Variants in RBL1 observed in about 807,000 individuals in gnomAD.
The protein encoded by RBL1 is RB transcriptional corepressor like 1.
In RBL1, 82 loss-of-function variants were observed where a neutral mutation model predicts 123.0. The observed-to-expected ratio is 0.67, with a 90% CI of 0.56 to 0.80. RBL1 has a LOEUF of 0.80. RBL1 is among the 30% of genes least tolerant of loss of function. RBL1 has a pLI of 0.00. For missense variants in RBL1, 1,171 were observed against 1,299.6 expected (o/e 0.90, Z 1.52); for synonymous variants, 405 against 441.3 (o/e 0.92, Z 1.03).
chr20:36,999,094 A>C (rs1013529993), intron 21 of RBL1, among the ~76,000 whole-genome samples, 165 bp from the exon 22 acceptor site: 2 of 152,202 alleles, frequency 1.3e-5, no homozygotes, highest in African/African-American at 4.8e-5. Flanking sequence ...GGATGGCTTG[A>C]ACTAATCTTT....
chr20:37,006,073 T>G (rs868305005), intron 20 of RBL1, among the ~76,000 whole-genome samples: 1 of 149,268 alleles, frequency 6.7e-6, no homozygotes, highest in South Asian at 2.1e-4. Context: ...AGTTTTTAGT[T>G]TTTTTTTTTA....
At chr20:37,049,222 C>CAA in intron 11 of RBL1, 1 of 398,674 alleles carries the variant, frequency 2.5e-6, no homozygotes, top group Non-Finnish European at 4.6e-6. Context: ...AAACAAAAAA[C>CAA]AAAAAAAAAT....
In RBL1 at chr20:37,095,976, C is replaced by G. The variant is rs747196287; in HGVS notation, c.-48G>C. The G allele has an allele frequency of 7.1e-7, 1 of 1,413,656 alleles. No individual in the cohort carries two copies. The highest frequency in any genetic ancestry group is 9.4e-7 in the Non-Finnish European group (1 of 1,066,900). The allele number at this position is 1,413,656 out of a possible 1,614,324, so 87.6% of individuals were successfully genotyped here. On this transcript the variant is annotated 5_prime_UTR_variant, in exon 1 of 22. Transcript: ENST00000373664. ...GCGCCACGGCCCCCGACTTCTTTCT[C>G]CCTCCCAGGCGCGCTACCCACAACC...
rs751175847 is a variant in RBL1 at position 37,095,767 on chromosome 20, G to T, written c.156+6C>A. The T allele has an allele frequency of 2.5e-6, 4 of 1,583,476 alleles. No individual in the cohort carries two copies. The East Asian group carries it at 9.1e-5, about 36-fold the overall frequency. ...GGGTCCGGCCGCCCCACCTGCTGCC[G>T]CTCACCTCTAGGCTGTAGTTGCCTC... is the stretch of plus-strand genomic sequence containing the variant. On this transcript the variant is annotated splice_donor_region_variant and intron_variant, in intron 1 of 21. Transcript: ENST00000373664.
intron 4 of RBL1, 39 bp from the exon 5 acceptor site, chr20:37,067,160 C>T: frequency 6.4e-7 from 1 of 1,563,328 alleles, no homozygotes; most frequent in Non-Finnish European, 8.6e-7. Context: ...ACACAAAAAC[C>T]AGAAACCTCT....
At position 37,089,131 on chromosome 20, in the gene RBL1, C is replaced by T. The variant is rs758109733; in HGVS notation, c.157-9G>A. 1.3e-6 allele frequency: 2 copies of T among 1,588,420 alleles called. No individual in the cohort carries two copies. Among genetic ancestry groups the T allele is most frequent in the South Asian group, 1.2e-5 (1 of 86,710 alleles). Reference sequence around the variant, plus strand: ...CAGTGTGTAACTTCTCCCTGGCAAGCAAAAGACAAACAGCAAAACAGGTAT... The same window carrying T: ...CAGTGTGTAACTTCTCCCTGGCAAGTAAAAGACAAACAGCAAAACAGGTAT... On this transcript the variant is annotated splice_polypyrimidine_tract_variant and intron_variant, in intron 1 of 21. Transcript: ENST00000373664.
At chr20:37,005,261 G>T (rs950553489) in intron 20 of RBL1, among the ~76,000 whole-genome samples, 1 of 151,982 alleles carries the variant, frequency 6.6e-6, no homozygotes, top group Non-Finnish European at 1.5e-5. Flanking sequence ...ACGAAAATCA[G>T]CTGGGCGTGG....
chr20:37,056,388 T>G (rs1270786666), intron 9 of RBL1, 130 bp from the exon 10 acceptor site: 2 of 1,268,776 alleles, frequency 1.6e-6, no homozygotes, highest in East Asian at 6.6e-5. Flanking sequence ...GGAGTCTCGC[T>G]CTGTAACCCA....
rs1489051527 is a variant in RBL1 at position 37,067,215 on chromosome 20, C to G, written c.556+18G>C. The G allele has an allele frequency of 1.9e-6, 3 of 1,592,368 alleles. No individual in the cohort carries two copies. In the South Asian group the frequency reaches 3.5e-5, roughly 19 times the overall value. ...TTCCCAGAGTAGAAATGTAAGACCA[C>G]TGAAAGTGTCATCTTACCCTTAGTA... On this transcript the variant is annotated intron_variant, in intron 4 of 21. Transcript: ENST00000373664.
At chr20:37,020,088 C>CTT (rs34470853) in intron 18 of RBL1, among the ~76,000 whole-genome samples, 42 of 135,830 alleles carry the variant, frequency 3.1e-4, no homozygotes, top group East Asian at 2.4e-3. Flanking sequence ...TTATACATAA[C>CTT]TTTTTTTTTT....
Position 37,017,175 on chromosome 20 carries a change from C to G in RBL1, c.2722+1104G>C, listed in dbSNP as rs550278581. 3.9e-5 allele frequency among the ~76,000 whole-genome samples: 6 copies of G among 151,994 alleles called. 1 individual carries two copies. In the South Asian group the frequency reaches 1.3e-3, roughly 32 times the overall value. ...ATCACTTGAGCTCACGATTTCGAGA[C>G]CAGCCTGAGCAAACATGGCAAAATC... On this transcript the variant is annotated intron_variant, in intron 19 of 21. Transcript: ENST00000373664.
chr20:37,093,939 G>A (rs2065688799), intron 1 of RBL1, among the ~76,000 whole-genome samples: 1 of 151,888 alleles, frequency 6.6e-6, no homozygotes, highest in Non-Finnish European at 1.5e-5. Flanking sequence ...CCGTGCGCCC[G>A]GCCAAGACCC....
intron 2 of RBL1, among the ~76,000 whole-genome samples, chr20:37,085,391 C>T (rs2065525664): frequency 6.6e-6 from 1 of 152,072 alleles, no homozygotes; most frequent in Non-Finnish European, 1.5e-5. Flanking sequence ...CCGCCTCAGC[C>T]TCCCAAAGTG....
chr20:36,998,903 T>C lies in RBL1; in HGVS notation c.3063A>G (p.Ile1021Met), dbSNP rs756239621. The change falls in exon 22 of 22, where the codon ATA (isoleucine) becomes ATG (methionine). Residue 1021 changes from isoleucine to methionine, a missense_variant. Ile to Met is a conservative substitution (Grantham distance 10). Transcript: ENST00000373664. ...SKSLKDINNM[I>M]RQGEQRTKKR... ...TCTTGGTTCTCTGCTCACCTTGCCTTATCATGTTGTTGATATCTTTCAAAC... is the reference window on the plus strand; with the variant it reads ...TCTTGGTTCTCTGCTCACCTTGCCTCATCATGTTGTTGATATCTTTCAAAC... 6.2e-7 allele frequency: 1 copy of C among 1,613,284 alleles called. No homozygotes were observed. The highest frequency in any genetic ancestry group is 8.5e-7 in the Non-Finnish European group (1 of 1,179,664).
At chr20:37,017,467 G>C (rs1246509562) in intron 19 of RBL1, among the ~76,000 whole-genome samples, 2 of 151,776 alleles carry the variant, frequency 1.3e-5, no homozygotes, top group African/African-American at 4.8e-5. Flanking sequence ...AGGCAGAAGA[G>C]GTGTATGAAT....
intron 16 of RBL1, among the ~76,000 whole-genome samples, chr20:37,025,295 G>A (rs761726099): frequency 2.0e-5 from 3 of 152,080 alleles, no homozygotes; most frequent in African/African-American, 4.8e-5. Flanking sequence ...TGAGGTGGAC[G>A]GACTGGTTGA....
chr20:37,055,519 C>G, intron 11 of RBL1, 34 bp downstream of exon 11: 1 of 1,613,418 alleles, frequency 6.2e-7, no homozygotes. Flanking sequence ...GACTTTTGGA[C>G]CTTGCCAGTA....
chr20:37,011,824 T>G (rs1408773250), intron 19 of RBL1, among the ~76,000 whole-genome samples: 1 of 152,164 alleles, frequency 6.6e-6, no homozygotes, highest in East Asian at 1.9e-4. Context: ...ATCAAAAGTA[T>G]TTAAGATAAG....
chr20:37,069,777 C>T, intron 2 of RBL1, among the ~76,000 whole-genome samples: 1 of 150,820 alleles, frequency 6.6e-6, no homozygotes, highest in Non-Finnish European at 1.5e-5. Context: ...CAGGCCAGCA[C>T]CCCCATCCGG....
Sources: gnomAD v4.1 joint callset for allele counts (sites outside exome capture counted in the v4.1 genomes callset) on GRCh38, gnomAD v4.1.1 for gene constraint, MANE v1.5 for transcripts, NCBI Gene and HGNC (gene_info 2026-07-23, HGNC 2026-07-21) for gene names.